The following LPCAT1 variants were observed in gnomAD, a reference collection of about 807,000 sequenced individuals.
LPCAT1 encodes the protein lysophosphatidylcholine acyltransferase 1.
A neutral mutation model predicts 60.9 loss-of-function variants in LPCAT1; 23 were observed. The observed-to-expected ratio is 0.38, with a 90% CI of 0.27 to 0.53. The LOEUF is 0.53. LPCAT1 is among the 20% of genes least tolerant of loss of function. The pLI is 0.82. For missense variants in LPCAT1, 622 were observed against 723.6 expected (o/e 0.86, Z 1.61); for synonymous variants, 340 against 301.1 (o/e 1.13, Z -1.34).
At position 1,461,988 on chromosome 5, in the gene LPCAT1, G is replaced by A. The variant is rs1480900762; in HGVS notation, c.*1663C>T. On this transcript the variant is annotated 3_prime_UTR_variant, in exon 14 of 14. Transcript: ENST00000283415. ...CGCCAAGAGCCCTGAAATTGACTTCGGTTTACTCCATCCCTGTCTGTCCTG... is the reference window on the plus strand; with the variant it reads ...CGCCAAGAGCCCTGAAATTGACTTCAGTTTACTCCATCCCTGTCTGTCCTG... The A allele has an allele frequency of 1.3e-5, 2 of 152,408 alleles. No homozygotes were observed. Among genetic ancestry groups the A allele is most frequent in the African/African-American group, 4.8e-5 (2 of 41,402 alleles). The allele number at this position is 152,408 out of a possible 1,614,324, so 9.4% of individuals were successfully genotyped here. A position where few individuals can be genotyped will look rare whatever the true frequency, so the allele number is the denominator to read the frequency against.
intron 1 of LPCAT1, among the ~76,000 whole-genome samples, chr5:1,507,786 G>A (rs1416796276): frequency 6.6e-6 from 1 of 152,258 alleles, no homozygotes; most frequent in Admixed American, 6.5e-5. Flanking sequence ...TGCAGGAGCA[G>A]CACAGCAGAC....
chr5:1,520,428 C>T (rs1736635178), intron 1 of LPCAT1, among the ~76,000 whole-genome samples: 1 of 152,160 alleles, frequency 6.6e-6, no homozygotes, highest in Non-Finnish European at 1.5e-5. Flanking sequence ...CGTGGGCAGG[C>T]GGGCACCCAG....
At chr5:1,514,439 C>T (rs558156716) in intron 1 of LPCAT1, among the ~76,000 whole-genome samples, 1 of 152,318 alleles carries the variant, frequency 6.6e-6, no homozygotes, top group South Asian at 2.1e-4. Flanking sequence ...ACTGTTCCTT[C>T]GACAGGTCAG....
At position 1,495,820 on chromosome 5, in the gene LPCAT1, A is replaced by C. The variant is rs576341430; in HGVS notation, c.279-906T>G. On this transcript the variant is annotated intron_variant, in intron 2 of 13. Transcript: ENST00000283415. The surrounding 1 kb of genome is among the most constrained non-coding windows in gnomAD (Gnocchi z 4.7). ...TACTGGATTCACATTGCCCTGGGAC[A>C]GATGATCCTCCCAGAAGACTTCCAG... Among the ~76,000 whole-genome samples, 3 of 152,356 alleles carry C rather than the reference A, an allele frequency of 2.0e-5. No individual in the cohort carries two copies. The South Asian group carries it at 6.2e-4, about 32-fold the overall frequency.
At chr5:1,463,948 G>A in intron 13 of LPCAT1, 113 bp from the exon 14 acceptor site, 2 of 1,052,854 alleles carry the variant, frequency 1.9e-6, no homozygotes, top group Non-Finnish European at 2.8e-6. Context: ...CTCCAGGGAG[G>A]GTTAGAATCG....
Position 1,523,312 on chromosome 5 carries a change from G to A in LPCAT1, c.135+398C>T, listed in dbSNP as rs954001616. The stretch of plus-strand genomic sequence containing the variant: ...GGCGGGCGGGGCCCGGACCAGGGAC[G>A]AGCGCGGGGACCGGCGATGCGGGTC... On this transcript the variant is annotated intron_variant, in intron 1 of 13. Transcript: ENST00000283415. This position sits in a 1 kb window ranked among gnomAD's most constrained non-coding sequence, Gnocchi z 7.1. Among the ~76,000 whole-genome samples, 3 of 151,942 alleles carry A rather than the reference G, an allele frequency of 2.0e-5. No individual in the cohort carries two copies. Among genetic ancestry groups the A allele is most frequent in the Admixed American group, 6.6e-5 (1 of 15,256 alleles).
rs372038983 is a variant in LPCAT1, at chr5:1,483,508, T to G, written c.668-22A>C. ...GCACCTGCCGAGAAAGGAACAGCGG[T>G]GTTGCCCATGGCAGCCCACGCAGGA... On this transcript the variant is annotated intron_variant, in intron 5 of 13. Transcript: ENST00000283415. The surrounding 1 kb of genome is among the most constrained non-coding windows in gnomAD (Gnocchi z 9.2). 1.8e-5 allele frequency: 29 copies of G among 1,612,710 alleles called. No homozygotes were observed. Among genetic ancestry groups the G allele is most frequent in the Non-Finnish European group, 2.5e-5 (29 of 1,179,396 alleles).
Position 1,523,630 on chromosome 5 carries a change from C to T in LPCAT1, c.135+80G>A, listed in dbSNP as rs1736743754. Reference sequence around the variant, plus strand: ...CGCGCCCCAGGCCCCCTCCCCGGCCCCTCCTCGGCCGCGCCTCCCTGGCCC... The same window carrying T: ...CGCGCCCCAGGCCCCCTCCCCGGCCTCTCCTCGGCCGCGCCTCCCTGGCCC... On this transcript the variant is annotated intron_variant, in intron 1 of 13. Transcript: ENST00000283415. This position sits in a 1 kb window ranked among gnomAD's most constrained non-coding sequence, Gnocchi z 7.1. The T allele has an allele frequency of 1.0e-6, 1 of 978,130 alleles. No individual in the cohort carries two copies. The highest frequency in any genetic ancestry group is 5.8e-5 in the Admixed American group (1 of 17,336). The allele number at this position is 978,130 out of a possible 1,614,324, so 60.6% of individuals were successfully genotyped here.
chr5:1,520,088 ACCCCCATCCCCGTG>A (rs1160833737), intron 1 of LPCAT1, among the ~76,000 whole-genome samples: 4 of 152,190 alleles, frequency 2.6e-5, no homozygotes, highest in African/African-American at 9.7e-5. Flanking sequence ...AGCCTGAGGA[ACCCCCATCCCCGTG>A]CATGTGTGCC....
intron 1 of LPCAT1, among the ~76,000 whole-genome samples, chr5:1,507,551 G>A (rs986263340): frequency 6.6e-6 from 1 of 152,222 alleles, no homozygotes; most frequent in Non-Finnish European, 1.5e-5. Flanking sequence ...CTTGCTCCAG[G>A]TCACAGGTGG....
chr5:1,489,354 G>C (rs1016403618), intron 4 of LPCAT1, among the ~76,000 whole-genome samples: 2 of 152,238 alleles, frequency 1.3e-5, no homozygotes, highest in African/African-American at 4.8e-5. Context: ...CAGGGCTTCT[G>C]AATGCCTGGG....
At chr5:1,499,497 G>A (rs995042255) in intron 2 of LPCAT1, among the ~76,000 whole-genome samples, 2 of 152,206 alleles carry the variant, frequency 1.3e-5, no homozygotes, top group Non-Finnish European at 2.9e-5. Context: ...TACTTTGCTT[G>A]GTTATATATT....
intron 11 of LPCAT1, among the ~76,000 whole-genome samples, chr5:1,472,220 G>A (rs1017635380): frequency 6.6e-6 from 1 of 150,748 alleles, no homozygotes; most frequent in Non-Finnish European, 1.5e-5. Flanking sequence ...CCCAGGGGCG[G>A]AGGGAGGACT....
chr5:1,463,337 GAAACCA>G lies in LPCAT1; in HGVS notation c.*308_*313del. The G allele has an allele frequency of 3.2e-6, 1 of 313,868 alleles. No individual in the cohort carries two copies. The highest frequency in any genetic ancestry group is 5.7e-5 in the East Asian group (1 of 17,590). 19.4% of individuals were successfully genotyped at this position (313,868 alleles called of 1,614,324 possible). On this transcript the variant is annotated 3_prime_UTR_variant, in exon 14 of 14. Transcript: ENST00000283415. ...CCGGAAGAGGCTGTGACAGAGACTC[GAAACCA>G]GGGCCCCGTGGGAGAACACGGGGCG... is the stretch of plus-strand genomic sequence containing the variant.
In LPCAT1 at chr5:1,481,166, C is replaced by T. The variant is rs143573719; in HGVS notation, c.727-190G>A. Among the ~76,000 whole-genome samples the T allele has an allele frequency of 1.0e-3, 154 of 152,274 alleles. No individual in the cohort carries two copies. Among genetic ancestry groups the T allele is most frequent in the Non-Finnish European group, 2.0e-3 (134 of 68,004 alleles). On this transcript the variant is annotated intron_variant, in intron 6 of 13. Coordinates refer to ENST00000283415, the MANE Select transcript of LPCAT1 (RefSeq NM_024830.5). The surrounding 1 kb of genome is among the most constrained non-coding windows in gnomAD (Gnocchi z 7.8). Reference sequence around the variant, plus strand: ...GGATCCAGGACTCGGACCAGCCCCCCAGCCTGAGGTCCCCAGAGCCTCTAA... The same window carrying T: ...GGATCCAGGACTCGGACCAGCCCCCTAGCCTGAGGTCCCCAGAGCCTCTAA...
At chr5:1,520,860 CAAAAAAAAAAAA>C (rs59074953) in intron 1 of LPCAT1, among the ~76,000 whole-genome samples, 1 of 82,046 alleles carries the variant, frequency 1.2e-5, no homozygotes, top group African/African-American at 4.9e-5. Context: ...GAGACTGTCT[CAAAAAAAAAAAA>C]AAAAAAAGAA....
chr5:1,488,616 C>T (rs1369796640), intron 4 of LPCAT1, among the ~76,000 whole-genome samples, 165 bp from the exon 5 acceptor site: 1 of 152,214 alleles, frequency 6.6e-6, no homozygotes, highest in Admixed American at 6.5e-5. Flanking sequence ...TGGAAGCACA[C>T]ACTGATTTCC....
chr5:1,497,945 C>T (rs537556026), intron 2 of LPCAT1, among the ~76,000 whole-genome samples: 3 of 152,324 alleles, frequency 2.0e-5, no homozygotes, highest in African/African-American at 2.4e-5. Context: ...GCCAGATGGT[C>T]GGGTTTTGCA....
Position 1,501,442 on chromosome 5 carries a change from C to T in LPCAT1, c.278+19G>A, listed in dbSNP as rs768755815. 7.1e-5 allele frequency: 113 copies of T among 1,597,034 alleles called. No homozygotes were observed. Among genetic ancestry groups the T allele is most frequent in the Non-Finnish European group, 9.0e-5 (106 of 1,172,316 alleles). Reference sequence around the variant, plus strand: ...GTGACCCCCCCCCAGGAGGAGAGCACGGCACACGCGCAACTTACTTCCTCC... The same window carrying T: ...GTGACCCCCCCCCAGGAGGAGAGCATGGCACACGCGCAACTTACTTCCTCC... On this transcript the variant is annotated intron_variant, in intron 2 of 13. Transcript: ENST00000283415.
Sources: gnomAD v4.1 joint callset for allele counts (sites outside exome capture counted in the v4.1 genomes callset) on GRCh38, gnomAD v4.1.1 for gene constraint, Gnocchi (gnomAD v3.1) non-coding constraint, MANE v1.5 for transcripts, NCBI Gene and HGNC (gene_info 2026-07-23, HGNC 2026-07-21) for gene names.